Variants in GPI observed in about 807,000 individuals in gnomAD.
GPI encodes the protein D-hexose-6-phosphate anomerase.
GPI carries 56 observed loss-of-function variants against 75.8 expected under a neutral mutation model. That is an observed-to-expected ratio of 0.74 (90% CI 0.60 to 0.92). The LOEUF (loss-of-function observed/expected upper bound fraction) is 0.92. GPI is among the 40% of genes least tolerant of loss of function. GPI has a pLI of 0.00. For missense variants in GPI, 638 were observed against 741.0 expected (o/e 0.86, Z 1.61); for synonymous variants, 288 against 285.4 (o/e 1.01, Z -0.09).
At chr19:34,368,075 C>G (rs1214161395) in intron 3 of GPI, among the ~76,000 whole-genome samples, 2 of 152,100 alleles carry the variant, frequency 1.3e-5, no homozygotes, top group South Asian at 4.1e-4. Context: ...GTGTGCCACC[C>G]CCACCTGGCT....
In GPI at chr19:34,402,325, C is replaced by T. The variant is rs556663146; in HGVS notation, c.*2289C>T. 18 of 152,220 alleles carry T rather than the reference C, an allele frequency of 1.2e-4. No individual in the cohort carries two copies. Among genetic ancestry groups the T allele is most frequent in the African/African-American group, 4.3e-4 (18 of 41,516 alleles). 9.4% of individuals were successfully genotyped at this position (152,220 alleles called of 1,614,324 possible). A position where few individuals can be genotyped will look rare whatever the true frequency, so the allele number is the denominator to read the frequency against. On this transcript the variant is annotated 3_prime_UTR_variant, in exon 18 of 18. Transcript: ENST00000356487. ...AAACCTCTAAAGGGTACTTAAACCC[C>T]AGATTTTCTACACAGGGCACTTGCT...
At chr19:34,391,749 C>T (rs1386154419) in intron 9 of GPI, among the ~76,000 whole-genome samples, 1 of 574 alleles carries the variant, frequency 1.7e-3, no homozygotes, top group Non-Finnish European at 3.5e-3. Context: ...GAGGAGGTGG[C>T]ATTTGGCACA....
chr19:34,400,199 C>A lies in GPI; in HGVS notation c.*163C>A. The A allele has an allele frequency of 2.7e-6, 2 of 729,404 alleles. No individual in the cohort carries two copies. The highest frequency in any genetic ancestry group is 4.9e-6 in the Non-Finnish European group (2 of 411,596). 45.2% of individuals were successfully genotyped at this position (729,404 alleles called of 1,614,324 possible). ...GGAAGGCTGGTCTCCCCCAGCCTAA[C>A]CCCCAGCCCCTCCATGTCTATGCTC... On this transcript the variant is annotated 3_prime_UTR_variant, in exon 18 of 18. Coordinates refer to ENST00000356487, the MANE Select transcript of GPI (RefSeq NM_000175.5).
intron 8 of GPI, 94 bp downstream of exon 8, chr19:34,379,656 G>A (rs912943026): frequency 2.9e-6 from 3 of 1,046,366 alleles, no homozygotes; most frequent in African/African-American, 3.1e-5. Context: ...TAGGTCTGGT[G>A]GATCTTGGCT....
intron 17 of GPI, 45 bp from the exon 18 acceptor site, chr19:34,399,856 G>C: frequency 6.2e-7 from 1 of 1,613,776 alleles, no homozygotes; most frequent in South Asian, 1.1e-5. Flanking sequence ...AGCAACGTTA[G>C]AGCCTTCCTC....
intron 4 of GPI, among the ~76,000 whole-genome samples, chr19:34,372,564 C>T (rs2074471449): frequency 6.6e-6 from 1 of 152,068 alleles, no homozygotes. Flanking sequence ...ATTGCTTGAG[C>T]CCAGGAATTT....
Position 34,400,312 on chromosome 19 carries a change from A to G in GPI, c.*276A>G. On this transcript the variant is annotated 3_prime_UTR_variant, in exon 18 of 18. Coordinates refer to ENST00000356487, the MANE Select transcript of GPI (RefSeq NM_000175.5). ...TTGTTCACATCCCATGTAGAAAAAT[A>G]AAGATGCCACGGAGGAGGTTGTAGG... is the stretch of plus-strand genomic sequence containing the variant. The G allele has an allele frequency of 1.7e-6, 1 of 596,324 alleles. No individual in the cohort carries two copies. 36.9% of individuals were successfully genotyped at this position (596,324 alleles called of 1,614,324 possible). A position where few individuals can be genotyped will look rare whatever the true frequency, so the allele number is the denominator to read the frequency against.
intron 4 of GPI, among the ~76,000 whole-genome samples, chr19:34,370,268 C>T (rs755095986): frequency 7.2e-5 from 11 of 152,152 alleles, no homozygotes; most frequent in African/African-American, 1.9e-4. Flanking sequence ...GTCTGGAGAA[C>T]GAGGGTGATG....
chr19:34,365,776 A>T lies in GPI; in HGVS notation c.122+388A>T, dbSNP rs141107840. 45 of 476,392 alleles carry T rather than the reference A, an allele frequency of 9.4e-5. No individual in the cohort carries two copies. In the East Asian group the frequency reaches 2.7e-3, roughly 29 times the overall value. The allele number at this position is 476,392 out of a possible 1,614,324, so 29.5% of individuals were successfully genotyped here. On this transcript the variant is annotated intron_variant, in intron 1 of 17. Coordinates refer to ENST00000356487, the MANE Select transcript of GPI (RefSeq NM_000175.5). ...TCCCTTTCCATCCGCTCCTGGCCAC[A>T]TGAGCTTGGGAGCGTCTGCAGGGCG...
At chr19:34,397,712 G>A (rs537151271) in intron 14 of GPI, 1 of 151,662 alleles carries the variant, frequency 6.6e-6, no homozygotes, top group Non-Finnish European at 1.5e-5. Context: ...TCACTATGTT[G>A]CCTAGGCTGG....
In GPI at chr19:34,387,483, T is replaced by C. The variant is rs796688391; in HGVS notation, c.805-5765T>C. Among the ~76,000 whole-genome samples, 25 of 152,176 alleles carry C rather than the reference T, an allele frequency of 1.6e-4. 1 individual carries two copies. The highest frequency in any genetic ancestry group is 5.3e-4 in the African/African-American group (22 of 41,486). ...CGTGAGTCTGTGGATCCAGGCTCAG[T>C]GCTGGCATGTTGACCTGGTGTTGTC... is the stretch of plus-strand genomic sequence containing the variant. On this transcript the variant is annotated intron_variant, in intron 9 of 17. Transcript: ENST00000356487.
Position 34,381,497 on chromosome 19 carries a change from A to C in GPI, c.782A>C (p.Gln261Pro). The change falls in exon 9 of 18, where the codon CAA (glutamine) becomes CCA (proline). Residue 261 changes from glutamine to proline, a missense_variant. Transcript: ENST00000356487. ...GTGAAGGAGTTTGGAATTGACCCTC[A>C]AAACATGTTCGAGTTCTGGGATGTA... ...TKVKEFGIDP[Q>P]NMFEFWDWVG... 3 of 1,609,164 alleles carry C rather than the reference A, an allele frequency of 1.9e-6. No individual in the cohort carries two copies. The highest frequency in any genetic ancestry group is 2.6e-6 in the Non-Finnish European group (3 of 1,175,878).
chr19:34,372,826 T>G (rs1220718639), intron 4 of GPI, among the ~76,000 whole-genome samples: 1 of 151,980 alleles, frequency 6.6e-6, no homozygotes, highest in East Asian at 1.9e-4. Context: ...CAGGCTGGAG[T>G]GCAATGGCCT....
At position 34,393,145 on chromosome 19, in the gene GPI, C is replaced by A; in HGVS notation, c.805-103C>A. ...TCCTGGAGGTGGGTTGGGCCAGGGC[C>A]CTCCGAGACGCCCCTGTGCAAGACC... On this transcript the variant is annotated intron_variant, in intron 9 of 17. Coordinates refer to ENST00000356487, the MANE Select transcript of GPI (RefSeq NM_000175.5). This position sits in a 1 kb window ranked among gnomAD's most constrained non-coding sequence, Gnocchi z 4.4. 1.1e-6 allele frequency: 1 copy of A among 927,676 alleles called. No individual in the cohort carries two copies. Among genetic ancestry groups the A allele is most frequent in the Non-Finnish European group, 1.8e-6 (1 of 562,248 alleles). The allele number at this position is 927,676 out of a possible 1,614,324, so 57.5% of individuals were successfully genotyped here.
At chr19:34,367,858 G>T (rs2074389487) in intron 3 of GPI, among the ~76,000 whole-genome samples, 1 of 152,204 alleles carries the variant, frequency 6.6e-6, no homozygotes, top group Admixed American at 6.5e-5. Flanking sequence ...CAAACACCAT[G>T]GACACACATT....
intron 8 of GPI, 181 bp downstream of exon 8, chr19:34,379,743 C>A: frequency 1.4e-6 from 1 of 710,414 alleles, no homozygotes; most frequent in Non-Finnish European, 2.6e-6. Context: ...CCCATTCAAC[C>A]TCTGCAGCTT....
At chr19:34,364,421 A>C (rs2074324346), upstream of GPI, among the ~76,000 whole-genome samples, 1 of 143,764 alleles carries the variant, frequency 7.0e-6, no homozygotes, top group African/African-American at 2.6e-5. Context: ...TCACTCTGCC[A>C]CCCAGGCTGG....
intron 9 of GPI, among the ~76,000 whole-genome samples, chr19:34,383,498 T>C (rs2074686575): frequency 6.6e-6 from 1 of 152,160 alleles, no homozygotes; most frequent in Non-Finnish European, 1.5e-5. Context: ...GGTGGCTGAT[T>C]GCACAAGTTT....
intron 3 of GPI, among the ~76,000 whole-genome samples, chr19:34,367,911 G>A (rs1267460410): frequency 2.0e-5 from 3 of 152,090 alleles, no homozygotes; most frequent in Admixed American, 1.3e-4. Flanking sequence ...ACTCATCTTC[G>A]GAAAGCGTTT....
Sources: gnomAD v4.1 joint callset for allele counts (sites outside exome capture counted in the v4.1 genomes callset) on GRCh38, gnomAD v4.1.1 for gene constraint, Gnocchi (gnomAD v3.1) non-coding constraint, MANE v1.5 for transcripts, NCBI Gene and HGNC (gene_info 2026-07-23, HGNC 2026-07-21) for gene names.